Variants in COPS7A observed in about 807,000 individuals in gnomAD.
COPS7A encodes COP9 signalosome subunit 7A.
Under a neutral mutation model 35.2 loss-of-function variants are expected in COPS7A, and 20 were observed. The observed-to-expected ratio is 0.57, with a 90% confidence interval of 0.40 to 0.83. COPS7A has a LOEUF of 0.83. COPS7A is among the 40% of genes least tolerant of loss of function. The pLI, the probability that COPS7A is intolerant of heterozygous loss-of-function variation, is 0.00. For missense variants in COPS7A, 247 were observed against 347.5 expected (o/e 0.71, Z 2.30); for synonymous variants, 139 against 141.4 (o/e 0.98, Z 0.12).
rs138782614 is a variant in COPS7A, at chr12:6,729,375, C to G, written c.456C>G (p.Leu152=). ...CCCTGGACCAGCGCAACCAGCGGCT[C>G]GAGGTTGACTACAGCATCGGGCGGG... The part of the protein sequence containing the change: ...RGSLDQRNQR[L]EVDYSIGRDI... Residue 152 remains leucine, a synonymous_variant, in exon 5 of 8, where the codon CTC becomes CTG. Transcript: ENST00000543155. This position sits in a 1 kb window ranked among gnomAD's most constrained non-coding sequence, Gnocchi z 4.2. 1.9e-6 allele frequency: 3 copies of G among 1,614,016 alleles called. No individual in the cohort carries two copies. The highest frequency in any genetic ancestry group is 2.5e-6 in the Non-Finnish European group (3 of 1,180,032).
intron 7 of COPS7A, 67 bp downstream of exon 7, chr12:6,730,887 T>G: frequency 1.9e-6 from 3 of 1,598,570 alleles, no homozygotes; most frequent in Non-Finnish European, 2.6e-6. Context: ...GACCTCACTG[T>G]CCTCATTTCC....
In COPS7A at chr12:6,730,774, G is replaced by A. The variant is rs770280665; in HGVS notation, c.742G>A (p.Gly248Ser). The part of the protein sequence containing the change: ...HLTELREPAP[G>S]TNQRQPSKKA... Reference sequence around the variant, plus strand: ...GACTGAGCTGAGGGAACCAGCTCCTGGCACCAACCAGCGCCAGCCCAGCAA... The same window carrying A: ...GACTGAGCTGAGGGAACCAGCTCCTAGCACCAACCAGCGCCAGCCCAGCAA... The change falls in exon 7 of 8, where the codon GGC becomes AGC. Residue 248 changes from glycine to serine, a missense_variant. Physicochemically the swap from Gly to Ser is moderately conservative, Grantham distance 56. Transcript: ENST00000543155. 1 of 1,614,196 alleles carries A rather than the reference G, an allele frequency of 6.2e-7. No homozygotes were observed. The highest frequency in any genetic ancestry group is 2.2e-5 in the East Asian group (1 of 44,882).
Position 6,729,599 on chromosome 12 carries a change from G to A in COPS7A, c.530+150G>A. ...AGTTCATCCCTCCAAAGGCTTCTGG[G>A]GAATGCAGGAGTAGGGGAGGCCCTG... On this transcript the variant is annotated intron_variant, in intron 5 of 7. Transcript: ENST00000543155. The surrounding 1 kb of genome is among the most constrained non-coding windows in gnomAD (Gnocchi z 4.2). 1.2e-6 allele frequency: 1 copy of A among 834,494 alleles called. No individual in the cohort carries two copies. The highest frequency in any genetic ancestry group is 1.8e-6 in the Non-Finnish European group (1 of 543,272). 51.7% of individuals were successfully genotyped at this position (834,494 alleles called of 1,614,324 possible). A position where few individuals can be genotyped will look rare whatever the true frequency, so the allele number is the denominator to read the frequency against.
intron 7 of COPS7A, 58 bp from the exon 8 acceptor site, chr12:6,730,942 G>C: frequency 1.3e-6 from 2 of 1,591,480 alleles, no homozygotes; most frequent in East Asian, 2.2e-5. Context: ...GCCTCCAGGG[G>C]TTAGGGGATT....
Position 6,731,462 on chromosome 12 carries a change from G to C in COPS7A, c.*423G>C. On this transcript the variant is annotated 3_prime_UTR_variant, in exon 8 of 8. Coordinates refer to ENST00000543155, the MANE Select transcript of COPS7A (RefSeq NM_001164094.2). Reference sequence around the variant, plus strand: ...CTATACCCTACCCCTGACCTATTGAGCAGCCTCTGAAGAGCCATAGGGCCC... The same window carrying C: ...CTATACCCTACCCCTGACCTATTGACCAGCCTCTGAAGAGCCATAGGGCCC... 1 of 487,024 alleles carries C rather than the reference G, an allele frequency of 2.1e-6. No individual in the cohort carries two copies. Among genetic ancestry groups the C allele is most frequent in the Non-Finnish European group, 3.1e-6 (1 of 327,114 alleles). The allele number at this position is 487,024 out of a possible 1,614,324, so 30.2% of individuals were successfully genotyped here. A position where few individuals can be genotyped will look rare whatever the true frequency, so the allele number is the denominator to read the frequency against.
chr12:6,727,685 G>A (rs1162010278), intron 2 of COPS7A: 2 of 646,196 alleles, frequency 3.1e-6, no homozygotes, highest in African/African-American at 3.6e-5. Context: ...GGAATTGGAT[G>A]ACGTATGGAG....
intron 2 of COPS7A, among the ~76,000 whole-genome samples, chr12:6,726,631 C>A (rs1361670074): frequency 9.5e-5 from 13 of 137,126 alleles, no homozygotes; most frequent in Middle Eastern, 4.3e-3. Flanking sequence ...ATAAATAAAA[C>A]AAACAAAAGC....
In COPS7A at chr12:6,729,527, G is replaced by C. The variant is rs745881824; in HGVS notation, c.530+78G>C. The stretch of plus-strand genomic sequence containing the variant: ...CGCTTCAGGGTGAGAGAGGGCAGGA[G>C]CTGGGCTGGTCCGCAGAGGTGGAAC... On this transcript the variant is annotated intron_variant, in intron 5 of 7. Coordinates refer to ENST00000543155, the MANE Select transcript of COPS7A (RefSeq NM_001164094.2). The surrounding 1 kb of genome is among the most constrained non-coding windows in gnomAD (Gnocchi z 4.2). 1.1e-5 allele frequency: 16 copies of C among 1,461,574 alleles called. No individual in the cohort carries two copies. The Middle Eastern group carries it at 7.0e-4, about 64-fold the overall frequency. 90.5% of individuals were successfully genotyped at this position (1,461,574 alleles called of 1,614,324 possible). A position where few individuals can be genotyped will look rare whatever the true frequency, so the allele number is the denominator to read the frequency against.
chr12:6,724,338 C>T (rs1300817592), intron 1 of COPS7A, 159 bp downstream of exon 1: 3 of 463,990 alleles, frequency 6.5e-6, no homozygotes, highest in East Asian at 5.9e-5. Context: ...AGGGTGGACA[C>T]CATGCGACAC....
intron 2 of COPS7A, among the ~76,000 whole-genome samples, chr12:6,726,671 T>TA (rs1239146735): frequency 1.9e-3 from 237 of 127,934 alleles, no homozygotes; most frequent in Middle Eastern, 4.2e-3. Flanking sequence ...AAGTATAATT[T>TA]AAAAAAAAAA....
Position 6,724,651 on chromosome 12 carries a change from G to T in COPS7A, c.-6G>T. On this transcript the variant is annotated 5_prime_UTR_variant, in exon 2 of 8. Transcript: ENST00000543155. ...TGAGCCCAAGTCCCCCACACTCAGT[G>T]CAGTGATGAGTGCGGAAGTGAAGGT... is the stretch of plus-strand genomic sequence containing the variant. 1 of 1,614,066 alleles carries T rather than the reference G, an allele frequency of 6.2e-7. No individual in the cohort carries two copies. The highest frequency in any genetic ancestry group is 8.5e-7 in the Non-Finnish European group (1 of 1,179,988).
At position 6,724,125 on chromosome 12, in the gene COPS7A, C is replaced by A. The variant is rs905914480; in HGVS notation, c.-98C>A. ...GGAGGTGACGGAGCGGCGGCCCCGC[C>A]CGGTGCGCTGGAGGTCGAAGCTTCC... On this transcript the variant is annotated 5_prime_UTR_variant, in exon 1 of 8. Coordinates refer to ENST00000543155, the MANE Select transcript of COPS7A (RefSeq NM_001164094.2). 9 of 242,972 alleles carry A rather than the reference C, an allele frequency of 3.7e-5. No individual in the cohort carries two copies. The highest frequency in any genetic ancestry group is 2.5e-4 in the South Asian group (7 of 28,076). The allele number at this position is 242,972 out of a possible 1,614,324, so 15.1% of individuals were successfully genotyped here. A position where few individuals can be genotyped will look rare whatever the true frequency, so the allele number is the denominator to read the frequency against.
At chr12:6,730,909 G>A (rs925546788) in intron 7 of COPS7A, 89 bp downstream of exon 7, 1 of 1,590,686 alleles carries the variant, frequency 6.3e-7, no homozygotes, top group Non-Finnish European at 8.6e-7. Context: ...TCAGTTATTT[G>A]CATGGGAGTA....
At chr12:6,725,403 C>T (rs1488296088) in intron 2 of COPS7A, among the ~76,000 whole-genome samples, 4 of 152,052 alleles carry the variant, frequency 2.6e-5, no homozygotes, top group Non-Finnish European at 4.4e-5. Context: ...GTGATCCGCC[C>T]GCCTTGACCT....
chr12:6,724,525 A>T, intron 1 of COPS7A, 89 bp from the exon 2 acceptor site: 2 of 1,056,554 alleles, frequency 1.9e-6, no homozygotes, highest in Non-Finnish European at 2.9e-6. Context: ...GAACCGACTT[A>T]GTGCCTTTAC....
chr12:6,729,540 G>T lies in COPS7A; in HGVS notation c.530+91G>T. On this transcript the variant is annotated intron_variant, in intron 5 of 7. Coordinates refer to ENST00000543155, the MANE Select transcript of COPS7A (RefSeq NM_001164094.2). This position sits in a 1 kb window ranked among gnomAD's most constrained non-coding sequence, Gnocchi z 4.2. ...GAGAGGGCAGGAGCTGGGCTGGTCC[G>T]CAGAGGTGGAACCCAAGAGGATGAA... is the stretch of plus-strand genomic sequence containing the variant. 3 of 1,332,364 alleles carry T rather than the reference G, an allele frequency of 2.3e-6. No homozygotes were observed. The highest frequency in any genetic ancestry group is 3.1e-6 in the Non-Finnish European group (3 of 968,336). The allele number at this position is 1,332,364 out of a possible 1,614,324, so 82.5% of individuals were successfully genotyped here.
chr12:6,724,819 G>T lies in COPS7A; in HGVS notation c.162+1G>T. The T allele has an allele frequency of 6.2e-7, 1 of 1,614,114 alleles. No homozygotes were observed. Among genetic ancestry groups the T allele is most frequent in the Non-Finnish European group, 8.5e-7 (1 of 1,179,988 alleles). ...GCTGGACATGCCCAATGTTAGAGAGGTGGGTTGCTGGCTTGAATAGCCCTC... is the reference window on the plus strand; with the variant it reads ...GCTGGACATGCCCAATGTTAGAGAGTTGGGTTGCTGGCTTGAATAGCCCTC... On this transcript the variant is annotated splice_donor_variant, in intron 2 of 7. Coordinates refer to ENST00000543155, the MANE Select transcript of COPS7A (RefSeq NM_001164094.2). LOFTEE classifies it high-confidence loss of function.
At chr12:6,726,603 A>AC (rs559980276) in intron 2 of COPS7A, among the ~76,000 whole-genome samples, 1 of 124,322 alleles carries the variant, frequency 8.0e-6, no homozygotes, top group African/African-American at 3.5e-5. Flanking sequence ...ACTCTGTCTC[A>AC]AAAAAAAAAA....
intron 1 of COPS7A, 194 bp from the exon 2 acceptor site, chr12:6,724,419 AG>A: frequency 2.1e-6 from 1 of 482,732 alleles, no homozygotes; most frequent in Non-Finnish European, 3.7e-6. Flanking sequence ...GGTTAGGCCC[AG>A]GGGAGGGGGT....
Sources: gnomAD v4.1 joint callset for allele counts (sites outside exome capture counted in the v4.1 genomes callset) on GRCh38, gnomAD v4.1.1 for gene constraint, Gnocchi (gnomAD v3.1) non-coding constraint, MANE v1.5 for transcripts, NCBI Gene and HGNC (gene_info 2026-07-23, HGNC 2026-07-21) for gene names.